CEP57: variants seen among roughly 807,000 people sequenced by gnomAD.
CEP57 encodes centrosomal protein 57, also known as centrosomal protein of 57 kDa.
CEP57 carries 40 observed loss-of-function variants against 68.0 expected under a neutral mutation model. The observed-to-expected ratio is 0.59, with a 90% confidence interval of 0.46 to 0.77. The LOEUF (loss-of-function observed/expected upper bound fraction) is 0.77, where lower values mean the gene tolerates loss of function less well. Ranked by LOEUF, CEP57 falls within the 30% of genes least tolerant of loss-of-function variation. The pLI, the probability that CEP57 is intolerant of heterozygous loss-of-function variation, is 0.00. For missense variants in CEP57, 606 were observed against 580.7 expected (o/e 1.04, Z -0.45); for synonymous variants, 219 against 198.7 (o/e 1.10, Z -0.86).
intron 1 of CEP57, among the ~76,000 whole-genome samples, chr11:95,797,547 A>G (rs1486380476): frequency 6.6e-6 from 1 of 152,152 alleles, no homozygotes; most frequent in Admixed American, 6.5e-5. Context: ...ACCTGAAGCT[A>G]CCTAGGTGCC....
intron 5 of CEP57, 173 bp downstream of exon 5, chr11:95,818,076 T>C: frequency 5.0e-6 from 3 of 599,552 alleles, no homozygotes; most frequent in Non-Finnish European, 8.9e-6. Context: ...CATTTTACAA[T>C]CTTGGTGGGC....
chr11:95,807,768 G>A (rs1861872464), intron 2 of CEP57, among the ~76,000 whole-genome samples: 1 of 152,196 alleles, frequency 6.6e-6, no homozygotes, highest in Admixed American at 6.5e-5. Context: ...GTGACGGGGA[G>A]AATGGAACCA....
intron 1 of CEP57, among the ~76,000 whole-genome samples, chr11:95,791,223 C>G (rs1565305685): frequency 6.6e-6 from 1 of 152,196 alleles, no homozygotes; most frequent in Non-Finnish European, 1.5e-5. Flanking sequence ...TGCAGTGCCT[C>G]CCACTCCCAT....
Position 95,831,683 on chromosome 11 carries a change from C to T in CEP57, c.*427C>T, listed in dbSNP as rs953847168. 1.3e-5 allele frequency: 2 copies of T among 152,392 alleles called. No individual in the cohort carries two copies. The highest frequency in any genetic ancestry group is 4.8e-5 in the African/African-American group (2 of 41,388). The allele number at this position is 152,392 out of a possible 1,614,324, so 9.4% of individuals were successfully genotyped here. On this transcript the variant is annotated 3_prime_UTR_variant, in exon 11 of 11. Transcript: ENST00000325542. Reference sequence around the variant, plus strand: ...TTTAAATCTCCCTGGCATGAGGTGCCCACTTCCCCTTTCCAAAGCAACCAT... The same window carrying T: ...TTTAAATCTCCCTGGCATGAGGTGCTCACTTCCCCTTTCCAAAGCAACCAT...
chr11:95,808,181 A>C (rs1013118248), intron 2 of CEP57, among the ~76,000 whole-genome samples: 4 of 152,212 alleles, frequency 2.6e-5, no homozygotes, highest in Non-Finnish European at 5.9e-5. Flanking sequence ...AGATTTTGTT[A>C]CCACCAGGCC....
intron 10 of CEP57, among the ~76,000 whole-genome samples, chr11:95,829,912 G>T (rs1308220099): frequency 6.6e-6 from 1 of 152,116 alleles, no homozygotes; most frequent in Non-Finnish European, 1.5e-5. Context: ...AGTTGGGTTT[G>T]GGCAGAGGTA....
chr11:95,806,237 A>G (rs1050909899), intron 2 of CEP57, among the ~76,000 whole-genome samples: 2 of 152,240 alleles, frequency 1.3e-5, no homozygotes, highest in Admixed American at 6.5e-5. Flanking sequence ...TAATAAGGAA[A>G]TAAAGAACAA....
chr11:95,830,189 TA>T (rs1176993556), intron 10 of CEP57, among the ~76,000 whole-genome samples: 1 of 152,170 alleles, frequency 6.6e-6, no homozygotes, highest in Non-Finnish European at 1.5e-5. Flanking sequence ...ATAGATGAGG[TA>T]GATGCTAAGC....
chr11:95,806,533 C>T (rs1861808741), intron 2 of CEP57, among the ~76,000 whole-genome samples: 1 of 152,154 alleles, frequency 6.6e-6, no homozygotes, highest in African/African-American at 2.4e-5. Flanking sequence ...TAATACTGTG[C>T]TTTTCCAATG....
At position 95,810,427 on chromosome 11, in the gene CEP57, T is replaced by A. The variant is rs548850952; in HGVS notation, c.203-2505T>A. On this transcript the variant is annotated intron_variant, in intron 2 of 10. Coordinates refer to ENST00000325542, the MANE Select transcript of CEP57 (RefSeq NM_014679.5). ...AGTCAAATTGTCCCTGTTTGCAGAT[T>A]ACATGGTTGTATATTTAGAAAACCC... 5.2e-3 allele frequency among the ~76,000 whole-genome samples: 796 copies of A among 152,288 alleles called. 5 individuals are homozygous for A. The highest frequency in any genetic ancestry group is 0.011 in the South Asian group (54 of 4,828).
At chr11:95,798,176 C>T (rs370503917) in intron 1 of CEP57, among the ~76,000 whole-genome samples, 2 of 152,096 alleles carry the variant, frequency 1.3e-5, no homozygotes, top group East Asian at 1.9e-4. Context: ...GCTCTTTGTC[C>T]CCACTTTTGA....
At chr11:95,806,519 A>G (rs1861807863) in intron 2 of CEP57, among the ~76,000 whole-genome samples, 1 of 152,130 alleles carries the variant, frequency 6.6e-6, no homozygotes. Context: ...GGACACTCCC[A>G]CCCTAATACT....
At chr11:95,817,945 G>GT in intron 5 of CEP57, 42 bp downstream of exon 5, 1 of 1,248,110 alleles carries the variant, frequency 8.0e-7, no homozygotes, top group Non-Finnish European at 1.2e-6. Context: ...ATATCAGGGT[G>GT]GTTTTTTTTT....
intron 6 of CEP57, among the ~76,000 whole-genome samples, chr11:95,820,481 C>T (rs529458863): frequency 8.1e-5 from 12 of 148,812 alleles, no homozygotes; most frequent in Non-Finnish European, 3.0e-5. Flanking sequence ...ATCCTAGCTA[C>T]TTGGGAGGGT....
chr11:95,801,008 A>G (rs552771635), intron 2 of CEP57, among the ~76,000 whole-genome samples: 47 of 152,298 alleles, frequency 3.1e-4, no homozygotes, highest in Non-Finnish European at 7.4e-5. Context: ...TCTAGGTAAA[A>G]GAAATATTTT....
At chr11:95,799,112 G>C in intron 1 of CEP57, 120 bp from the exon 2 acceptor site, 4 of 932,280 alleles carry the variant, frequency 4.3e-6, no homozygotes, top group Non-Finnish European at 5.1e-6. Flanking sequence ...ATTGTTTCTA[G>C]TCAGTGGATT....
At chr11:95,821,665 G>A (rs375694069) in intron 6 of CEP57, among the ~76,000 whole-genome samples, 102 of 152,284 alleles carry the variant, frequency 6.7e-4, no homozygotes, top group African/African-American at 2.4e-3. Context: ...TATAACAGAA[G>A]GTCAAGATAA....
upstream of CEP57, chr11:95,790,407 G>A: frequency 1.9e-6 from 1 of 517,590 alleles, no homozygotes. Flanking sequence ...ACCTTGTGAC[G>A]TCACCAGGGA....
intron 2 of CEP57, among the ~76,000 whole-genome samples, chr11:95,809,340 A>G (rs1591061622): frequency 1.3e-5 from 2 of 152,340 alleles, no homozygotes; most frequent in Admixed American, 1.3e-4. Context: ...GAAGGCAAGA[A>G]ATAACTAAGA....
Sources: gnomAD v4.1 joint callset for allele counts (sites outside exome capture counted in the v4.1 genomes callset) on GRCh38, gnomAD v4.1.1 for gene constraint, MANE v1.5 for transcripts, NCBI Gene and HGNC (gene_info 2026-07-23, HGNC 2026-07-21) for gene names.